LCP2: variants seen among roughly 807,000 people sequenced by gnomAD.
LCP2 encodes lymphocyte cytosolic protein 2.
In LCP2, 29 loss-of-function variants were observed where a neutral mutation model predicts 74.5. The observed-to-expected ratio is 0.39, with a 90% CI of 0.29 to 0.53. The LOEUF is 0.53. Ranked by LOEUF, LCP2 falls within the 20% of genes least tolerant of loss-of-function variation. The pLI, the probability that LCP2 is intolerant of heterozygous loss-of-function variation, is 0.72. For missense variants in LCP2, 604 were observed against 634.6 expected (o/e 0.95, Z 0.52); for synonymous variants, 228 against 229.5 (o/e 0.99, Z 0.06).
Position 170,293,365 on chromosome 5 carries a change from T to G in LCP2, c.86A>C (p.Tyr29Ser), listed in dbSNP as rs1762321694. 1 of 1,597,150 alleles carries G rather than the reference T, an allele frequency of 6.3e-7. No homozygotes were observed. The highest frequency in any genetic ancestry group is 8.5e-7 in the Non-Finnish European group (1 of 1,171,418). ...CTTCACTGCCTTCTCACAGTCCTTA[T>G]AGTTGAGCTGCAAAGAGAAGGGGAA... ...SLADYFKKLN[Y>S]KDCEKAVKKY... is the part of the protein sequence containing the mutation. The change falls in exon 2 of 21, where the codon TAT (tyrosine) becomes TCT (serine). Residue 29 changes from tyrosine to serine, a missense_variant. By Grantham distance (144) the Tyr-to-Ser change is moderately radical. Coordinates refer to ENST00000046794, the MANE Select transcript of LCP2 (RefSeq NM_005565.5).
At chr5:170,284,911 T>C (rs1762158336) in intron 3 of LCP2, among the ~76,000 whole-genome samples, 1 of 152,022 alleles carries the variant, frequency 6.6e-6, no homozygotes, top group East Asian at 1.9e-4. Context: ...CCACCAAGCC[T>C]GGTGAATTTT....
At chr5:170,252,784 C>T (rs1423908886) in intron 18 of LCP2, among the ~76,000 whole-genome samples, 1 of 152,248 alleles carries the variant, frequency 6.6e-6, no homozygotes, top group Admixed American at 6.5e-5. Context: ...GATACAGATA[C>T]AATAATTTCT....
chr5:170,262,319 A>G (rs966400494), intron 13 of LCP2, among the ~76,000 whole-genome samples: 2 of 152,168 alleles, frequency 1.3e-5, no homozygotes, highest in African/African-American at 4.8e-5. Context: ...GTTCCTATGC[A>G]CTGTGAAGGC....
intron 14 of LCP2, among the ~76,000 whole-genome samples, chr5:170,260,527 A>G (rs907260257): frequency 3.9e-5 from 6 of 152,322 alleles, no homozygotes; most frequent in African/African-American, 1.2e-4. Flanking sequence ...ATGTTTCCTT[A>G]TGGGTTCATT....
intron 4 of LCP2, 41 bp from the exon 5 acceptor site, chr5:170,275,392 T>A (rs763202339): frequency 1.2e-6 from 2 of 1,610,598 alleles, no homozygotes; most frequent in Non-Finnish European, 8.5e-7. Context: ...TCTTCTCGAT[T>A]TAAGGGGATC....
chr5:170,254,532 C>T (rs1361706717), intron 17 of LCP2, among the ~76,000 whole-genome samples: 1 of 152,182 alleles, frequency 6.6e-6, no homozygotes, highest in East Asian at 1.9e-4. Context: ...ACAAGCTGGC[C>T]CTGAGCTGCC....
chr5:170,293,180 C>T, intron 2 of LCP2, 130 bp downstream of exon 2: 1 of 863,416 alleles, frequency 1.2e-6, no homozygotes, highest in Non-Finnish European at 1.9e-6. Context: ...GGGGGCCCTA[C>T]CAAATTTCTG....
chr5:170,274,504 C>T (rs1321549699), intron 5 of LCP2, among the ~76,000 whole-genome samples, 166 bp from the exon 6 acceptor site: 5 of 152,286 alleles, frequency 3.3e-5, no homozygotes, highest in South Asian at 2.1e-4. Flanking sequence ...TCAGCTCCAG[C>T]GACCCTGCCC....
chr5:170,277,564 T>A (rs376430097), intron 3 of LCP2, among the ~76,000 whole-genome samples: 1 of 151,746 alleles, frequency 6.6e-6, no homozygotes, highest in Non-Finnish European at 1.5e-5. Flanking sequence ...CTGGCCAACA[T>A]GGTGAAACCC....
At position 170,268,379 on chromosome 5, in the gene LCP2, G is replaced by A; in HGVS notation, c.621+6C>T. On this transcript the variant is annotated splice_donor_region_variant and intron_variant, in intron 8 of 20. Coordinates refer to ENST00000046794, the MANE Select transcript of LCP2 (RefSeq NM_005565.5). Reference sequence around the variant, plus strand: ...AAGTACTGTAAAAGAACGGGAGGAGGCCTACCGAGTGATTCCGGCCGGCTG... The same window carrying A: ...AAGTACTGTAAAAGAACGGGAGGAGACCTACCGAGTGATTCCGGCCGGCTG... The A allele has an allele frequency of 3.0e-6, 2 of 671,674 alleles. No homozygotes were observed. The highest frequency in any genetic ancestry group is 4.0e-6 in the Non-Finnish European group (2 of 503,110). The allele number at this position is 671,674 out of a possible 1,614,324, so 41.6% of individuals were successfully genotyped here. A position where few individuals can be genotyped will look rare whatever the true frequency, so the allele number is the denominator to read the frequency against.
chr5:170,297,622 C>T lies in LCP2; in HGVS notation c.-11G>A, dbSNP rs779722522. 3 of 1,604,696 alleles carry T rather than the reference C, an allele frequency of 1.9e-6. No individual in the cohort carries two copies. In the South Asian group the frequency reaches 3.4e-5, roughly 18 times the overall value. ...ATTCCTCAGTGCCATGGCTGCTCTC[C>T]CGGGAAGAAGCTCACAAGCTGAGCA... On this transcript the variant is annotated 5_prime_UTR_variant, in exon 1 of 21. Coordinates refer to ENST00000046794, the MANE Select transcript of LCP2 (RefSeq NM_005565.5).
intron 3 of LCP2, among the ~76,000 whole-genome samples, chr5:170,277,743 C>CAAAAA (rs371915364): frequency 7.6e-5 from 9 of 117,674 alleles, no homozygotes; most frequent in South Asian, 2.9e-4. Context: ...AACTTCGTCT[C>CAAAAA]AAAAAAAAAA....
In LCP2 at chr5:170,273,576, T is replaced by C. The variant is rs149257043; in HGVS notation, c.324+725A>G. Among the ~76,000 whole-genome samples the C allele has an allele frequency of 2.0e-3, 310 of 152,312 alleles. 1 individual carries two copies. The Middle Eastern group carries it at 0.02, about 10-fold the overall frequency. Reference sequence around the variant, plus strand: ...AGGTCTGCCTCTAACTAACTTTGTGTTCTACGCACGTCACGTTCTGCTCTC... The same window carrying C: ...AGGTCTGCCTCTAACTAACTTTGTGCTCTACGCACGTCACGTTCTGCTCTC... On this transcript the variant is annotated intron_variant, in intron 6 of 20. Transcript: ENST00000046794.
At position 170,248,672 on chromosome 5, in the gene LCP2, G is replaced by A. The variant is rs201067784; in HGVS notation, c.*25C>T. ...GTGTTGGCAACAGAGGCAGGAGGAC[G>A]GTTCATTTGCTCGGCTATAACTTGC... On this transcript the variant is annotated 3_prime_UTR_variant, in exon 21 of 21. Transcript: ENST00000046794. 1.3e-4 allele frequency: 200 copies of A among 1,590,652 alleles called. No individual in the cohort carries two copies. The highest frequency in any genetic ancestry group is 3.3e-4 in the Middle Eastern group (2 of 6,034).
At position 170,294,407 on chromosome 5, in the gene LCP2, T is replaced by C. The variant is rs73800603; in HGVS notation, c.79-1035A>G. Among the ~76,000 whole-genome samples the C allele has an allele frequency of 6.6e-3, 1,008 of 152,308 alleles. 10 individuals are homozygous for C. The highest frequency in any genetic ancestry group is 0.023 in the African/African-American group (970 of 41,558). ...ATTTTCCTAGACCAATCAGCAATCATATGAGGTGCTAGTTTCAACTTGTCC... is the reference window on the plus strand; with the variant it reads ...ATTTTCCTAGACCAATCAGCAATCACATGAGGTGCTAGTTTCAACTTGTCC... On this transcript the variant is annotated intron_variant, in intron 1 of 20. Coordinates refer to ENST00000046794, the MANE Select transcript of LCP2 (RefSeq NM_005565.5).
intron 1 of LCP2, among the ~76,000 whole-genome samples, chr5:170,297,053 C>CTAGT (rs1335246403): frequency 6.6e-6 from 1 of 152,202 alleles, no homozygotes; most frequent in Non-Finnish European, 1.5e-5. Flanking sequence ...TCTCCCCTTT[C>CTAGT]TAGTAAGTAG....
At chr5:170,271,369 G>A (rs1761894762) in intron 6 of LCP2, among the ~76,000 whole-genome samples, 2 of 152,112 alleles carry the variant, frequency 1.3e-5, no homozygotes, top group African/African-American at 4.8e-5. Context: ...ATAACCTGGT[G>A]CAGCGTTGAA....
At position 170,274,167 on chromosome 5, in the gene LCP2, C is replaced by A. The variant is rs1458524711; in HGVS notation, c.324+134G>T. ...TCCTGTCTGGCCCTGTGCAGAGCAC[C>A]TTTTCTGGGCCCTGGGTGGGTGTGC... On this transcript the variant is annotated intron_variant, in intron 6 of 20. Coordinates refer to ENST00000046794, the MANE Select transcript of LCP2 (RefSeq NM_005565.5). 6 of 927,786 alleles carry A rather than the reference C, an allele frequency of 6.5e-6. No homozygotes were observed. The East Asian group carries it at 1.3e-4, about 20-fold the overall frequency. The allele number at this position is 927,786 out of a possible 1,614,324, so 57.5% of individuals were successfully genotyped here.
At position 170,287,155 on chromosome 5, in the gene LCP2, T is replaced by C. The variant is rs188047139; in HGVS notation, c.188+815A>G. ...TGCCACAATCCCCACCATTCTCTATTGCTTCACCAACAATGAGGCTTTGCG... is the reference window on the plus strand; with the variant it reads ...TGCCACAATCCCCACCATTCTCTATCGCTTCACCAACAATGAGGCTTTGCG... On this transcript the variant is annotated intron_variant, in intron 3 of 20. Transcript: ENST00000046794. Among the ~76,000 whole-genome samples the C allele has an allele frequency of 2.3e-3, 346 of 152,350 alleles. 2 individuals are homozygous for C. The highest frequency in any genetic ancestry group is 6.8e-3 in the Middle Eastern group (2 of 294).
Sources: allele counts gnomAD v4.1 joint callset (sites outside exome capture counted in the v4.1 genomes callset), GRCh38; gene constraint gnomAD v4.1.1; transcripts MANE v1.5; gene names NCBI Gene and HGNC (gene_info 2026-07-23, HGNC 2026-07-21).